ARK2N: variants seen among roughly 807,000 people sequenced by gnomAD.
The protein encoded by ARK2N is protein ARK2N.
chr18:46,213,815 G>C, the ARK2N span, among the ~76,000 whole-genome samples: 1 of 152,092 alleles, frequency 6.6e-6, no homozygotes, highest in African/African-American at 2.4e-5. Flanking sequence ...TTTTGCCTCA[G>C]CCTCCCGAGT....
chr18:46,201,895 A>G, the ARK2N span, among the ~76,000 whole-genome samples: 1 of 150,746 alleles, frequency 6.6e-6, no homozygotes, highest in South Asian at 2.1e-4. Context: ...CTCCTCCTTC[A>G]GCCTCCTGAG....
the ARK2N span, among the ~76,000 whole-genome samples, chr18:46,244,712 G>T: frequency 7.0e-6 from 1 of 143,070 alleles, no homozygotes; most frequent in African/African-American, 2.6e-5. Flanking sequence ...AGTAATTTTC[G>T]TGCCTCAGCC....
chr18:46,204,985 C>G, the ARK2N span, among the ~76,000 whole-genome samples: 2 of 151,072 alleles, frequency 1.3e-5, no homozygotes, highest in South Asian at 4.2e-4. Flanking sequence ...GCCCTGTCGC[C>G]CAGGCTGGAG....
the ARK2N span, chr18:46,263,014 A>G: frequency 6.2e-7 from 1 of 1,614,162 alleles, no homozygotes; most frequent in East Asian, 2.2e-5. Context: ...CACCAGGCAA[A>G]CACAGTCATG....
chr18:46,208,099 T>C, the ARK2N span, among the ~76,000 whole-genome samples: 1 of 152,246 alleles, frequency 6.6e-6, no homozygotes, highest in Non-Finnish European at 1.5e-5. Context: ...TACCAGTCTT[T>C]AAGTTCATGG....
the ARK2N span, among the ~76,000 whole-genome samples, chr18:46,198,643 A>C: frequency 3.0e-4 from 46 of 152,152 alleles, no homozygotes; most frequent in African/African-American, 1.1e-3. Context: ...TCTGTTGTCC[A>C]GGCTGGAGTG....
At chr18:46,262,835 G>A in the ARK2N span, 1 of 1,292,108 alleles carries the variant, frequency 7.7e-7, no homozygotes, top group Admixed American at 1.9e-5. Context: ...GTTTATCTTA[G>A]TAAAAATGTT....
the ARK2N span, among the ~76,000 whole-genome samples, chr18:46,256,020 C>T: frequency 6.6e-6 from 1 of 152,098 alleles, no homozygotes; most frequent in South Asian, 2.1e-4. Flanking sequence ...TTTTAAGCCC[C>T]ATGTCAGGAT....
the ARK2N span, among the ~76,000 whole-genome samples, chr18:46,255,704 G>A: frequency 2.6e-5 from 4 of 151,470 alleles, no homozygotes; most frequent in East Asian, 7.7e-4. Context: ...ACCCACCTCG[G>A]CCTCCCAAAG....
chr18:46,219,259 T>A, the ARK2N span: 5 of 152,142 alleles, frequency 3.3e-5, no homozygotes, highest in African/African-American at 1.2e-4. Context: ...CGGCACTAGA[T>A]CATCTCTCTT....
At chr18:46,239,500 C>G in the ARK2N span, among the ~76,000 whole-genome samples, 3 of 152,164 alleles carry the variant, frequency 2.0e-5, no homozygotes, top group African/African-American at 7.2e-5. Flanking sequence ...AAACAGAGCT[C>G]TAGTGTTAAC....
chr18:46,212,441 T>G, the ARK2N span, among the ~76,000 whole-genome samples: 1 of 152,212 alleles, frequency 6.6e-6, no homozygotes, highest in African/African-American at 2.4e-5. Context: ...TTGTTATTTA[T>G]TTACATAAAT....
chr18:46,255,862 A>G, the ARK2N span, among the ~76,000 whole-genome samples: 2 of 151,422 alleles, frequency 1.3e-5, no homozygotes, highest in African/African-American at 4.9e-5. Context: ...ATTTTTTCCT[A>G]TTAAATTCTC....
chr18:46,179,829 TAGTC>T, the ARK2N span, among the ~76,000 whole-genome samples: 11 of 152,168 alleles, frequency 7.2e-5, no homozygotes, highest in African/African-American at 2.2e-4. Context: ...TTCTCCATGT[TAGTC>T]AGGCTGGTCT....
At chr18:46,187,001 T>G in the ARK2N span, among the ~76,000 whole-genome samples, 1 of 150,902 alleles carries the variant, frequency 6.6e-6, no homozygotes, top group Admixed American at 6.6e-5. Flanking sequence ...ATTACAGACA[T>G]GCGTCATCAT....
At chr18:46,240,875 C>A in the ARK2N span, among the ~76,000 whole-genome samples, 1 of 152,166 alleles carries the variant, frequency 6.6e-6, no homozygotes, top group Non-Finnish European at 1.5e-5. Flanking sequence ...TCAAAAGTTT[C>A]TTTCAGCATT....
chr18:46,233,953 C>G, the ARK2N span, among the ~76,000 whole-genome samples: 2 of 152,090 alleles, frequency 1.3e-5, no homozygotes, highest in African/African-American at 4.8e-5. Context: ...AAATAATTTT[C>G]TGATGTTATT....
At chr18:46,190,430 G>A in the ARK2N span, among the ~76,000 whole-genome samples, 20 of 147,552 alleles carry the variant, frequency 1.4e-4, no homozygotes, top group African/African-American at 5.0e-4. Context: ...TGAGGTTGCG[G>A]TGAGCTGAGA....
the ARK2N span, among the ~76,000 whole-genome samples, chr18:46,196,931 C>T: frequency 6.6e-6 from 1 of 152,086 alleles, no homozygotes; most frequent in African/African-American, 2.4e-5. Context: ...CTGGTGTCTC[C>T]CAAAGGGAGC....
Sources: gnomAD v4.1 joint callset for allele counts (sites outside exome capture counted in the v4.1 genomes callset) on GRCh38, gnomAD v4.1.1 for gene constraint, MANE v1.5 for transcripts, NCBI Gene and HGNC (gene_info 2026-07-23, HGNC 2026-07-21) for gene names.